The following ESYT3 variants were observed in gnomAD, a reference collection of about 807,000 sequenced individuals.
ESYT3 encodes the protein extended synaptotagmin-3.
Under a neutral mutation model 111.5 loss-of-function variants are expected in ESYT3, and 101 were observed. The ratio of observed to expected loss-of-function variants is 0.91; its 90% CI spans 0.77 to 1.07. The LOEUF (loss-of-function observed/expected upper bound fraction) is 1.07. Ranked by LOEUF, ESYT3 falls within the 50% of genes least tolerant of loss-of-function variation. The pLI is 0.00. For missense variants in ESYT3, 1,097 were observed against 1,109.4 expected (o/e 0.99, Z 0.16); for synonymous variants, 416 against 446.8 (o/e 0.93, Z 0.87).
chr3:138,445,733 A>G (rs540113262), intron 1 of ESYT3, among the ~76,000 whole-genome samples: 1 of 152,312 alleles, frequency 6.6e-6, no homozygotes, highest in African/African-American at 2.4e-5. Context: ...AAAAGTTACC[A>G]CTTCCAGAAC....
At chr3:138,464,596 G>C (rs2032829569) in intron 9 of ESYT3, 81 bp downstream of exon 9, 1 of 1,468,972 alleles carries the variant, frequency 6.8e-7, no homozygotes, top group Non-Finnish European at 9.4e-7. Flanking sequence ...ACTAGGCAGG[G>C]AGTGGGCCTT....
intron 9 of ESYT3, 37 bp from the exon 10 acceptor site, chr3:138,465,302 G>C: frequency 6.7e-7 from 1 of 1,497,560 alleles, no homozygotes. Context: ...CAGGTCGACT[G>C]TTGCCTGCAG....
intron 3 of ESYT3, among the ~76,000 whole-genome samples, chr3:138,457,147 A>G (rs1482040666): frequency 6.6e-6 from 1 of 152,190 alleles, no homozygotes; most frequent in African/African-American, 2.4e-5. Context: ...AATGTTTTTC[A>G]GCTGCCATAA....
intron 14 of ESYT3, 46 bp downstream of exon 14, chr3:138,468,927 C>G (rs1056541413): frequency 6.3e-7 from 1 of 1,584,994 alleles, no homozygotes; most frequent in Admixed American, 1.7e-5. Flanking sequence ...CAAATCACAG[C>G]TTCTCTCCCC....
chr3:138,459,061 TAG>T, intron 4 of ESYT3, 124 bp from the exon 5 acceptor site: 1 of 651,616 alleles, frequency 1.5e-6, no homozygotes, highest in East Asian at 2.9e-5. Flanking sequence ...GCCCAGTGCA[TAG>T]AGCTCAGGGT....
Position 138,472,683 on chromosome 3 carries a change from C to T in ESYT3, c.2061C>T (p.Thr687=). ...EPIGEKKSPA[T]IFLTVPGPHS... Reference sequence around the variant, plus strand: ...TCGGGGAGAAGAAGAGTCCAGCCACCATCTTCCTGACTGTCCCAGGTCCCC... The same window carrying T: ...TCGGGGAGAAGAAGAGTCCAGCCACTATCTTCCTGACTGTCCCAGGTCCCC... Residue 687 remains threonine, a synonymous_variant, in exon 18 of 23, where the codon ACC becomes ACT. Coordinates refer to ENST00000389567, the MANE Select transcript of ESYT3 (RefSeq NM_031913.5). 6.2e-7 allele frequency: 1 copy of T among 1,614,202 alleles called. No individual in the cohort carries two copies. The highest frequency in any genetic ancestry group is 1.1e-5 in the South Asian group (1 of 91,078).
chr3:138,476,841 A>G lies in ESYT3; in HGVS notation c.2648A>G (p.Gln883Arg), dbSNP rs1397255211. ...AGGTATGAGCTGACTCCAAATGGAC[A>G]GCCCAGAAGCTGATGATGAGAATTC... ...SQWYELTPNG[Q>R]PRS The change falls in exon 23 of 23, where the codon CAG becomes CGG. Residue 883 changes from glutamine (Q) to arginine (R), a missense_variant. Physicochemically the swap from Gln to Arg is conservative, Grantham distance 43. Transcript: ENST00000389567. 6.2e-7 allele frequency: 1 copy of G among 1,613,914 alleles called. No homozygotes were observed. The highest frequency in any genetic ancestry group is 1.3e-5 in the African/African-American group (1 of 74,946).
Position 138,473,653 on chromosome 3 carries a change from C to T in ESYT3, c.2336+19C>T, listed in dbSNP as rs756047864. 1.8e-5 allele frequency: 29 copies of T among 1,607,448 alleles called. No individual in the cohort carries two copies. In the South Asian group the frequency reaches 2.8e-4, roughly 15 times the overall value. On this transcript the variant is annotated intron_variant, in intron 19 of 22. Transcript: ENST00000389567. ...GCTGCAGGTAAAGGGATTCTAGGGC[C>T]AGGGAGGTCCTTTGGGAGCATCAGG...
At chr3:138,480,429 A>G (rs1252435670), downstream of ESYT3, 1 of 152,186 alleles carries the variant, frequency 6.6e-6, no homozygotes, top group Non-Finnish European at 1.5e-5. Flanking sequence ...AAAAATAGGT[A>G]CATCTAACCA....
chr3:138,438,163 T>C (rs1576414460), intron 1 of ESYT3, among the ~76,000 whole-genome samples: 1 of 152,366 alleles, frequency 6.6e-6, no homozygotes, highest in East Asian at 1.9e-4. Context: ...CATCACATGC[T>C]GACCTTTTAG....
In ESYT3 at chr3:138,434,819, C is replaced by A. The variant is rs764900748; in HGVS notation, c.21C>A (p.Cys7Ter). The A allele has an allele frequency of 1.1e-5, 17 of 1,560,608 alleles. 1 individual carries two copies. In the South Asian group the frequency reaches 2.0e-4, roughly 18 times the overall value. The change falls in exon 1 of 23, where the codon TGC (cysteine) becomes TGA (stop). Residue 7 changes from cysteine to a stop codon, truncating the protein, a stop_gained. Coordinates refer to ENST00000389567, the MANE Select transcript of ESYT3 (RefSeq NM_031913.5). LOFTEE classifies it high-confidence loss of function. ...ACGAGATGCGAGCAGAGGAGCCCTGCGCCCCCGGGGCCCCCAGCGCCCTGG... is the reference window on the plus strand; with the variant it reads ...ACGAGATGCGAGCAGAGGAGCCCTGAGCCCCCGGGGCCCCCAGCGCCCTGG... Reference protein sequence around the residue: MRAEEPCAPGAPSALGA... With the variant: MRAEEP
chr3:138,435,229 G>A lies in ESYT3; in HGVS notation c.327+104G>A. On this transcript the variant is annotated intron_variant, in intron 1 of 22. Coordinates refer to ENST00000389567, the MANE Select transcript of ESYT3 (RefSeq NM_031913.5). This position sits in a 1 kb window ranked among gnomAD's most constrained non-coding sequence, Gnocchi z 4.8. ...GGTGCGCGCAAACCCGAGGCAGGGCGGGAGCCCGGCGACCTGCACACCCCG... is the reference window on the plus strand; with the variant it reads ...GGTGCGCGCAAACCCGAGGCAGGGCAGGAGCCCGGCGACCTGCACACCCCG... 2 of 1,209,244 alleles carry A rather than the reference G, an allele frequency of 1.7e-6. No homozygotes were observed. The highest frequency in any genetic ancestry group is 1.6e-5 in the South Asian group (1 of 63,550). The allele number at this position is 1,209,244 out of a possible 1,614,324, so 74.9% of individuals were successfully genotyped here.
chr3:138,472,418 TAAAG>T lies in ESYT3; in HGVS notation c.1801_1804del (p.Lys601AlafsTer89). On this transcript the variant is annotated frameshift_variant, in exon 18 of 23. Coordinates refer to ENST00000389567, the MANE Select transcript of ESYT3 (RefSeq NM_031913.5). LOFTEE classifies it high-confidence loss of function. ...AGCCCATACACAGGACCTGAAGCCC[TAAAG>T]AAAGGCCCTCTGCTCATCAAGAAAG... 1 of 1,614,126 alleles carries T rather than the reference TAAAG, an allele frequency of 6.2e-7. No homozygotes were observed. Among genetic ancestry groups the T allele is most frequent in the African/African-American group, 1.3e-5 (1 of 75,038 alleles).
rs200135852 is a variant in ESYT3 at position 138,472,579 on chromosome 3, G to A, written c.1957G>A (p.Val653Ile). The change falls in exon 18 of 23, where the codon GTT (valine) becomes ATT (isoleucine). Residue 653 changes from valine (V) to isoleucine (I), a missense_variant. Transcript: ENST00000389567. ...STTTTTSATT[V>I]ATEPTSQETG... The stretch of plus-strand genomic sequence containing the variant: ...CACAACCACCACCAGTGCTACCACC[G>A]TTGCCACTGAGCCCACATCCCAAGA... 60 of 1,614,196 alleles carry A rather than the reference G, an allele frequency of 3.7e-5. No homozygotes were observed. Among genetic ancestry groups the A allele is most frequent in the East Asian group, 1.1e-4 (5 of 44,882 alleles).
At chr3:138,444,342 C>T (rs887480224) in intron 1 of ESYT3, among the ~76,000 whole-genome samples, 4 of 152,148 alleles carry the variant, frequency 2.6e-5, no homozygotes, top group Non-Finnish European at 5.9e-5. Flanking sequence ...CAGCAGACGT[C>T]GGAGATCCTG....
intron 12 of ESYT3, 119 bp from the exon 13 acceptor site, chr3:138,468,536 C>T (rs768440886): frequency 1.2e-5 from 12 of 980,154 alleles, no homozygotes; most frequent in Non-Finnish European, 2.0e-5. Context: ...GGTCCTCCGG[C>T]AGCTAGTCTG....
At chr3:138,461,460 T>C (rs1174382818) in intron 7 of ESYT3, among the ~76,000 whole-genome samples, 1 of 152,170 alleles carries the variant, frequency 6.6e-6, no homozygotes, top group Non-Finnish European at 1.5e-5. Context: ...ACATTTGGAC[T>C]GGTCAGGGCT....
At position 138,468,306 on chromosome 3, in the gene ESYT3, T is replaced by G. The variant is rs1005181785; in HGVS notation, c.1308+112T>G. 1.7e-5 allele frequency: 16 copies of G among 967,520 alleles called. No individual in the cohort carries two copies. The African/African-American group carries it at 1.8e-4, about 11-fold the overall frequency. The allele number at this position is 967,520 out of a possible 1,614,324, so 59.9% of individuals were successfully genotyped here. A position where few individuals can be genotyped will look rare whatever the true frequency, so the allele number is the denominator to read the frequency against. On this transcript the variant is annotated intron_variant, in intron 12 of 22. Transcript: ENST00000389567. ...TGATGCCCCCTTCTTGCTCACCTCCTGAAGAACATGTCACTCAGCCCGTCT... is the reference window on the plus strand; with the variant it reads ...TGATGCCCCCTTCTTGCTCACCTCCGGAAGAACATGTCACTCAGCCCGTCT...
chr3:138,438,942 GCATGTTTA>G (rs2030934672), intron 1 of ESYT3, among the ~76,000 whole-genome samples: 1 of 152,236 alleles, frequency 6.6e-6, no homozygotes, highest in Admixed American at 6.5e-5. Context: ...TCAAGAGGCT[GCATGTTTA>G]CATGCGGATG....
Sources: gnomAD v4.1 joint callset for allele counts (sites outside exome capture counted in the v4.1 genomes callset) on GRCh38, gnomAD v4.1.1 for gene constraint, Gnocchi (gnomAD v3.1) non-coding constraint, MANE v1.5 for transcripts, NCBI Gene and HGNC (gene_info 2026-07-23, HGNC 2026-07-21) for gene names.